The following SBF2 variants were observed in gnomAD, a reference collection of about 807,000 sequenced individuals.
SBF2 encodes the protein myotubularin-related protein 13.
In SBF2, 112 loss-of-function variants were observed where a neutral mutation model predicts 225.2. That is an observed-to-expected ratio of 0.50 (90% CI 0.43 to 0.58). SBF2 has a LOEUF of 0.58. SBF2 is among the 20% of genes least tolerant of loss of function. SBF2 has a pLI of 0.00. For missense variants in SBF2, 1,996 were observed against 2,206.2 expected, an observed-to-expected ratio of 0.90 and a Z score of 1.91; for synonymous variants, 763 against 773.3, an observed-to-expected ratio of 0.99 and a Z score of 0.22.
chr11:9,839,330 A>C (rs1366576080), intron 26 of SBF2, 168 bp downstream of exon 26: 2 of 710,624 alleles, frequency 2.8e-6, no homozygotes, highest in African/African-American at 3.5e-5. Context: ...TCAGTAAGGT[A>C]ATTGTTCCGA....
intron 2 of SBF2, among the ~76,000 whole-genome samples, chr11:10,190,734 T>C (rs1413768650): frequency 1.3e-5 from 2 of 152,190 alleles, no homozygotes; most frequent in African/African-American, 2.4e-5. Flanking sequence ...TGTGAGCCCA[T>C]GTGTGTTCTC....
intron 2 of SBF2, among the ~76,000 whole-genome samples, chr11:10,157,858 C>A (rs1034312173): frequency 1.3e-5 from 2 of 152,146 alleles, no homozygotes; most frequent in African/African-American, 4.8e-5. Flanking sequence ...CAGACCTATA[C>A]AGAACATTCC....
intron 4 of SBF2, among the ~76,000 whole-genome samples, chr11:10,030,846 A>C (rs185816884): frequency 6.6e-6 from 1 of 152,204 alleles, no homozygotes; most frequent in African/African-American, 2.4e-5. Context: ...CATCCTTAGA[A>C]GTTTTAGTAG....
At chr11:9,902,032 T>C (rs1861760986) in intron 16 of SBF2, among the ~76,000 whole-genome samples, 1 of 152,186 alleles carries the variant, frequency 6.6e-6, no homozygotes, top group Admixed American at 6.5e-5. Context: ...GAAATCAAAA[T>C]ATTTTTCTTT....
chr11:9,902,587 A>G (rs1262456073), intron 16 of SBF2, among the ~76,000 whole-genome samples: 1 of 152,206 alleles, frequency 6.6e-6, no homozygotes, highest in Non-Finnish European at 1.5e-5. Flanking sequence ...TACAGATTTG[A>G]TTTTTCAATT....
intron 2 of SBF2, among the ~76,000 whole-genome samples, chr11:10,180,422 T>C (rs1005796855): frequency 2.0e-5 from 3 of 152,172 alleles, no homozygotes; most frequent in Admixed American, 2.0e-4. Flanking sequence ...CAAGTTTCCA[T>C]GAAATAATCT....
chr11:9,977,033 C>T (rs531205326), intron 13 of SBF2, among the ~76,000 whole-genome samples: 8 of 152,238 alleles, frequency 5.3e-5, no homozygotes, highest in African/African-American at 1.9e-4. Flanking sequence ...GCTGGGATTA[C>T]AAGCGTGAGC....
chr11:10,005,043 T>G (rs1948135279), intron 6 of SBF2, among the ~76,000 whole-genome samples: 1 of 152,014 alleles, frequency 6.6e-6, no homozygotes, highest in South Asian at 2.1e-4. Context: ...AACCATCAGG[T>G]GATGGTCAGG....
At chr11:9,788,278 C>T (rs1361115729) in intron 35 of SBF2, among the ~76,000 whole-genome samples, 1 of 152,228 alleles carries the variant, frequency 6.6e-6, no homozygotes, top group African/African-American at 2.4e-5. Flanking sequence ...GCATACTCTT[C>T]CTGGTCAGGA....
chr11:10,128,945 C>G (rs183909391), intron 2 of SBF2, among the ~76,000 whole-genome samples: 1 of 152,210 alleles, frequency 6.6e-6, no homozygotes, highest in East Asian at 1.9e-4. Flanking sequence ...TTCCTTTCCA[C>G]CTGCACCAAC....
intron 16 of SBF2, among the ~76,000 whole-genome samples, chr11:9,919,539 C>T (rs760491873): frequency 3.3e-5 from 5 of 151,728 alleles, no homozygotes; most frequent in Admixed American, 6.6e-5. Flanking sequence ...GCAGGGGGTA[C>T]GTGACTGGGG....
At chr11:10,118,591 T>G (rs1953278065) in intron 2 of SBF2, among the ~76,000 whole-genome samples, 1 of 152,064 alleles carries the variant, frequency 6.6e-6, no homozygotes, top group African/African-American at 2.4e-5. Context: ...TAATATTTGG[T>G]TGTACCATAT....
At chr11:10,102,339 A>C (rs1249938996) in intron 2 of SBF2, among the ~76,000 whole-genome samples, 2 of 152,250 alleles carry the variant, frequency 1.3e-5, no homozygotes, top group Non-Finnish European at 2.9e-5. Context: ...CACCTAGTAC[A>C]TAATTAAAAT....
chr11:10,034,948 G>A (rs1949380469), intron 3 of SBF2, among the ~76,000 whole-genome samples: 1 of 152,130 alleles, frequency 6.6e-6, no homozygotes, highest in East Asian at 1.9e-4. Flanking sequence ...CATTGGTCTG[G>A]GAAATAATGA....
intron 2 of SBF2, among the ~76,000 whole-genome samples, chr11:10,130,957 T>C (rs1034963438): frequency 6.6e-6 from 1 of 152,202 alleles, no homozygotes; most frequent in African/African-American, 2.4e-5. Context: ...GACATTTTGG[T>C]TGTTTCCAAT....
At chr11:9,852,228 C>G (rs900923411) in intron 21 of SBF2, among the ~76,000 whole-genome samples, 1 of 152,094 alleles carries the variant, frequency 6.6e-6, no homozygotes, top group African/African-American at 2.4e-5. Flanking sequence ...ATTCAGGAGG[C>G]TGGGGTTGGG....
In SBF2 at chr11:9,790,561, T is replaced by G. The variant is rs115345208; in HGVS notation, c.4693A>C (p.Ile1565Leu). The G allele has an allele frequency of 1.3e-6, 2 of 1,583,994 alleles. No homozygotes were observed. The highest frequency in any genetic ancestry group is 1.3e-5 in the African/African-American group (1 of 74,264). The part of the protein sequence containing the change: ...FFNYLYSPLE[I>L]EALKPNVNVS... ...TAAATGATTTCTTACTCTACCTCTA[T>G]TTCCAATGGTGAATATAAATAATTA... Residue 1565 changes from isoleucine to leucine, a missense_variant, in exon 34 of 40, where the codon ATA becomes CTA. Coordinates refer to ENST00000256190, the MANE Select transcript of SBF2 (RefSeq NM_030962.4).
intron 2 of SBF2, among the ~76,000 whole-genome samples, chr11:10,103,247 T>C (rs1000674300): frequency 6.6e-6 from 1 of 152,246 alleles, no homozygotes; most frequent in East Asian, 1.9e-4. Context: ...AACTTTCCAA[T>C]ATCAAATTAT....
At chr11:10,034,711 C>G (rs2134649698) in intron 3 of SBF2, among the ~76,000 whole-genome samples, 1 of 152,156 alleles carries the variant, frequency 6.6e-6, no homozygotes. Flanking sequence ...ATTTTCAGTC[C>G]TAAATTTCCT....
Sources: gnomAD v4.1 joint callset for allele counts (sites outside exome capture counted in the v4.1 genomes callset) on GRCh38, gnomAD v4.1.1 for gene constraint, MANE v1.5 for transcripts, NCBI Gene and HGNC (gene_info 2026-07-23, HGNC 2026-07-21) for gene names.